CDK20: variants seen among roughly 807,000 people sequenced by gnomAD.
CDK20 encodes cyclin dependent kinase 20.
CDK20 carries 40 observed loss-of-function variants against 38.6 expected under a neutral mutation model. That is an observed-to-expected ratio of 1.04 (90% CI 0.81 to 1.35). The LOEUF is 1.35. CDK20 is among the 40% of genes most tolerant of loss of function. The pLI, the probability that CDK20 is intolerant of heterozygous loss-of-function variation, is 0.00. For missense variants in CDK20, 512 were observed against 452.6 expected (o/e 1.13, Z -1.19); for synonymous variants, 209 against 185.7 (o/e 1.13, Z -1.02).
At chr9:87,970,165 C>T (rs887034586) in intron 5 of CDK20, 6 of 458,722 alleles carry the variant, frequency 1.3e-5, no homozygotes, top group Admixed American at 1.2e-4. Flanking sequence ...GACCTGCAAA[C>T]CTGCCCCAAA....
intron 2 of CDK20, among the ~76,000 whole-genome samples, chr9:87,972,550 A>T (rs1182156327): frequency 6.6e-6 from 1 of 151,830 alleles, no homozygotes; most frequent in Non-Finnish European, 1.5e-5. Flanking sequence ...ACATGGTGAT[A>T]GTGCTCTAAG....
At position 87,970,585 on chromosome 9, in the gene CDK20, G is replaced by A; in HGVS notation, c.546C>T (p.Asp182=). ...PELLYGARQY[D]QGVDLWSVGC... ...GGTCTCACCACAGATCGACGCCCTGGTCATACTGGCGGGCACCATACAGGA... is the reference window on the plus strand; with the variant it reads ...GGTCTCACCACAGATCGACGCCCTGATCATACTGGCGGGCACCATACAGGA... The change falls in exon 5 of 8, where the codon GAC becomes GAT. Residue 182 remains aspartate, a synonymous_variant. Coordinates refer to ENST00000325303, the MANE Select transcript of CDK20 (RefSeq NM_001039803.3). 6.2e-7 allele frequency: 1 copy of A among 1,614,092 alleles called. No homozygotes were observed. Among genetic ancestry groups the A allele is most frequent in the Non-Finnish European group, 8.5e-7 (1 of 1,180,002 alleles).
chr9:87,971,018 C>T (rs1829812832), intron 3 of CDK20, 121 bp from the exon 4 acceptor site: 1 of 1,509,530 alleles, frequency 6.6e-7, no homozygotes. Context: ...GGGCCATGCC[C>T]TGGCCACTTA....
At chr9:87,967,889 G>C (rs779710036) in intron 7 of CDK20, 50 of 495,906 alleles carry the variant, frequency 1.0e-4, no homozygotes, top group Middle Eastern at 5.2e-4. Flanking sequence ...TAATAAACAA[G>C]ATGAAGTAAA....
In CDK20 at chr9:87,967,407, A is replaced by G; in HGVS notation, c.*55T>C. ...GGTGAAGCCAGGCAGGTGGCAGAGG[A>G]ACAGGTGGACTGAGTGGTCCTGAGG... On this transcript the variant is annotated 3_prime_UTR_variant, in exon 8 of 8. Transcript: ENST00000325303. The G allele has an allele frequency of 6.5e-7, 1 of 1,530,664 alleles. No homozygotes were observed. Among genetic ancestry groups the G allele is most frequent in the Non-Finnish European group, 8.9e-7 (1 of 1,128,074 alleles). 94.8% of individuals were successfully genotyped at this position (1,530,664 alleles called of 1,614,324 possible). A position where few individuals can be genotyped will look rare whatever the true frequency, so the allele number is the denominator to read the frequency against.
At chr9:87,973,837 A>G in intron 2 of CDK20, 85 bp downstream of exon 2, 1 of 1,370,414 alleles carries the variant, frequency 7.3e-7, no homozygotes, top group Non-Finnish European at 1.0e-6. Flanking sequence ...AAGCTGGTGA[A>G]GGCGTAGCTG....
At chr9:87,969,761 G>A (rs1285504433) in intron 6 of CDK20, 35 bp downstream of exon 6, 13 of 1,613,014 alleles carry the variant, frequency 8.1e-6, no homozygotes, top group Admixed American at 1.7e-5. Context: ...GAGTAAACCT[G>A]CCCCACACCC....
chr9:87,974,100 G>T, intron 1 of CDK20, 65 bp from the exon 2 acceptor site: 5 of 1,609,502 alleles, frequency 3.1e-6, no homozygotes, highest in East Asian at 2.2e-5. Flanking sequence ...GAAGGTGGGT[G>T]AGGGGAAGGT....
intron 1 of CDK20, 110 bp from the exon 2 acceptor site, chr9:87,974,145 A>G: frequency 6.4e-7 from 1 of 1,561,980 alleles, no homozygotes; most frequent in Non-Finnish European, 8.7e-7. Flanking sequence ...CGGCTCGGCC[A>G]GAGGCCCTCC....
chr9:87,974,354 G>A lies in CDK20; in HGVS notation c.75+18C>T. 1.2e-6 allele frequency: 2 copies of A among 1,609,266 alleles called. No individual in the cohort carries two copies. The highest frequency in any genetic ancestry group is 8.5e-7 in the Non-Finnish European group (1 of 1,179,078). On this transcript the variant is annotated intron_variant, in intron 1 of 7. Transcript: ENST00000325303. The stretch of plus-strand genomic sequence containing the variant: ...GGGGCACACCCCCGCCAGGCTGCCG[G>A]CCGCGGTCCAGCCTCACCTCCACGT...
chr9:87,967,554 G>T lies in CDK20; in HGVS notation c.949C>A (p.Pro317Thr), dbSNP rs1411967033. ...ACGTGGAAGTCATGGATGTGGGGGG[G>T]CCCTGGATGGGCCTTGGGGGCAGGT... ...GGPAPKAHPG[P>T]PHIHDFHVDR... The change falls in exon 8 of 8, where the codon CCC becomes ACC. Residue 317 changes from proline (P) to threonine (T), a missense_variant. Pro to Thr is a conservative substitution (Grantham distance 38). Transcript: ENST00000325303. The T allele has an allele frequency of 5.2e-6, 8 of 1,552,412 alleles. No individual in the cohort carries two copies. In the African/African-American group the frequency reaches 6.8e-5, roughly 13 times the overall value.
chr9:87,966,892 A>G lies in CDK20; in HGVS notation c.*570T>C. 2.7e-6 allele frequency: 1 copy of G among 376,550 alleles called. No homozygotes were observed. Among genetic ancestry groups the G allele is most frequent in the South Asian group, 2.0e-5 (1 of 50,362 alleles). The allele number at this position is 376,550 out of a possible 1,614,324, so 23.3% of individuals were successfully genotyped here. A position where few individuals can be genotyped will look rare whatever the true frequency, so the allele number is the denominator to read the frequency against. ...TGGTGCTACCCTCCCCATGACCCCA[A>G]AAACGAGAGCCATGAGACAATGCCA... On this transcript the variant is annotated 3_prime_UTR_variant, in exon 8 of 8. Coordinates refer to ENST00000325303, the MANE Select transcript of CDK20 (RefSeq NM_001039803.3).
chr9:87,969,420 C>A, intron 6 of CDK20, 71 bp from the exon 7 acceptor site: 1 of 1,518,448 alleles, frequency 6.6e-7, no homozygotes, highest in Non-Finnish European at 9.0e-7. Context: ...CTGCTGTCAA[C>A]TCTCAGCCCC....
In CDK20 at chr9:87,969,320, CTTG is replaced by C. The variant is rs748260575; in HGVS notation, c.714_716del (p.Asn238del). On this transcript the variant is annotated inframe_deletion, in exon 7 of 8. Coordinates refer to ENST00000325303, the MANE Select transcript of CDK20 (RefSeq NM_001039803.3). ...TGGGCACCTGCTCCTTAAAGGAGAT[CTTG>C]TTGTAGTCCGGCAGCTCAGTGAGCT... 3.8e-5 allele frequency: 61 copies of C among 1,613,904 alleles called. No individual in the cohort carries two copies. Among genetic ancestry groups the C allele is most frequent in the East Asian group, 2.7e-4 (12 of 44,886 alleles).
At chr9:87,969,509 T>G in intron 6 of CDK20, 160 bp from the exon 7 acceptor site, 1 of 833,582 alleles carries the variant, frequency 1.2e-6, no homozygotes, top group Middle Eastern at 3.1e-4. Flanking sequence ...CCCACCCCTG[T>G]ATTCCTTCAT....
At position 87,970,552 on chromosome 9, in the gene CDK20, C is replaced by T. The variant is rs762620177; in HGVS notation, c.563+16G>A. 16 of 1,611,602 alleles carry T rather than the reference C, an allele frequency of 9.9e-6. No individual in the cohort carries two copies. Among genetic ancestry groups the T allele is most frequent in the Non-Finnish European group, 1.2e-5 (14 of 1,178,328 alleles). On this transcript the variant is annotated intron_variant, in intron 5 of 7. Coordinates refer to ENST00000325303, the MANE Select transcript of CDK20 (RefSeq NM_001039803.3). ...CATGAGCCATGTTACCCTTTGACCACCCACAGGGGTCTCACCACAGATCGA... is the reference window on the plus strand; with the variant it reads ...CATGAGCCATGTTACCCTTTGACCATCCACAGGGGTCTCACCACAGATCGA...
chr9:87,970,088 C>G, intron 5 of CDK20, 169 bp from the exon 6 acceptor site: 1 of 679,980 alleles, frequency 1.5e-6, no homozygotes, highest in Non-Finnish European at 2.3e-6. Context: ...AACCCTAGAA[C>G]CCAGAGCAAA....
chr9:87,969,481 C>T (rs908026130), intron 6 of CDK20, 132 bp from the exon 7 acceptor site: 2 of 1,012,790 alleles, frequency 2.0e-6, no homozygotes, highest in African/African-American at 1.6e-5. Context: ...TCTCCCTGAC[C>T]CATCATTCAT....
At chr9:87,970,027 G>T in intron 5 of CDK20, 108 bp from the exon 6 acceptor site, 1 of 1,312,096 alleles carries the variant, frequency 7.6e-7, no homozygotes, top group Non-Finnish European at 1.0e-6. Context: ...CCACAAGCCA[G>T]CCCTGGAGCC....
Sources: allele counts gnomAD v4.1 joint callset (sites outside exome capture counted in the v4.1 genomes callset), GRCh38; gene constraint gnomAD v4.1.1; transcripts MANE v1.5; gene names NCBI Gene and HGNC (gene_info 2026-07-23, HGNC 2026-07-21).